Variants in NAALADL2 observed in about 807,000 individuals in gnomAD.
NAALADL2 encodes N-acetylated alpha-linked acidic dipeptidase like 2.
Under a neutral mutation model 87.2 loss-of-function variants are expected in NAALADL2, and 76 were observed. The ratio of observed to expected loss-of-function variants is 0.87; its 90% CI spans 0.72 to 1.05. The LOEUF (loss-of-function observed/expected upper bound fraction) is 1.05. Among genes scored for constraint, NAALADL2 ranks in the 50% least tolerant of loss-of-function variants. The pLI is 0.00. For missense variants in NAALADL2, 1,089 were observed against 945.8 expected, an observed-to-expected ratio of 1.15 and a Z score of -1.99; for synonymous variants, 354 against 331.0, an observed-to-expected ratio of 1.07 and a Z score of -0.75.
intron 1 of NAALADL2, among the ~76,000 whole-genome samples, chr3:174,481,420 C>G (rs1445900124): frequency 6.6e-6 from 1 of 152,028 alleles, no homozygotes; most frequent in Non-Finnish European, 1.5e-5. Flanking sequence ...GAAATCACTT[C>G]TGACTGATTT....
chr3:175,733,283 C>T (rs1477031516), intron 11 of NAALADL2, among the ~76,000 whole-genome samples: 1 of 152,168 alleles, frequency 6.6e-6, no homozygotes, highest in Non-Finnish European at 1.5e-5. Context: ...GGAGAACTCA[C>T]AGTTCCATGT....
chr3:174,460,721 A>T (rs1189067281), intron 1 of NAALADL2, among the ~76,000 whole-genome samples: 1 of 152,026 alleles, frequency 6.6e-6, no homozygotes, highest in Admixed American at 6.6e-5. Context: ...ATACTACATC[A>T]TCTGGCTGGG....
At chr3:175,302,008 TAA>T (rs1757140494) in intron 4 of NAALADL2, among the ~76,000 whole-genome samples, 1 of 152,198 alleles carries the variant, frequency 6.6e-6, no homozygotes, top group East Asian at 1.9e-4. Flanking sequence ...TTTAAGAAGA[TAA>T]AGCGTAGAAT....
At chr3:175,250,299 T>G (rs1475460913) in intron 3 of NAALADL2, among the ~76,000 whole-genome samples, 1 of 150,460 alleles carries the variant, frequency 6.6e-6, no homozygotes, top group East Asian at 2.0e-4. Context: ...GGTGTGTTTG[T>G]CATGTGGGGA....
chr3:175,090,713 T>C (rs545021988), intron 1 of NAALADL2, among the ~76,000 whole-genome samples: 2 of 152,274 alleles, frequency 1.3e-5, no homozygotes, highest in East Asian at 1.9e-4. Flanking sequence ...GCTATCCAAC[T>C]TGATTATCCA....
intron 2 of NAALADL2, among the ~76,000 whole-genome samples, chr3:174,662,711 A>G (rs1157076505): frequency 6.7e-6 from 1 of 150,228 alleles, no homozygotes. Flanking sequence ...TTCATAGAAA[A>G]TGTAGCTTGG....
intron 2 of NAALADL2, among the ~76,000 whole-genome samples, chr3:174,711,492 A>T (rs577671008): frequency 2.0e-5 from 3 of 152,314 alleles, no homozygotes; most frequent in African/African-American, 7.2e-5. Context: ...TATTTCCAGG[A>T]AAGTACAAGG....
intron 1 of NAALADL2, among the ~76,000 whole-genome samples, chr3:175,071,497 T>C (rs1193157649): frequency 6.6e-6 from 1 of 152,082 alleles, no homozygotes; most frequent in Non-Finnish European, 1.5e-5. Flanking sequence ...TATTCACACA[T>C]ATTACCCTTA....
Position 174,519,326 on chromosome 3 carries a change from C to T in NAALADL2, c.-183-31243C>T, listed in dbSNP as rs940246650. Among the ~76,000 whole-genome samples the T allele has an allele frequency of 3.8e-3, 487 of 128,802 alleles. 7 individuals carry two copies. The highest frequency in any genetic ancestry group is 0.014 in the African/African-American group (473 of 34,094). 84.5% of individuals were successfully genotyped at this position (128,802 alleles called of 152,430 possible). A position where few individuals can be genotyped will look rare whatever the true frequency, so the allele number is the denominator to read the frequency against. On this transcript the variant is annotated intron_variant, in intron 1 of 3. Transcript: ENST00000434257. ...AAACAAGTGAATGAATGAAGATTTC[C>T]TTTTTTTTTTTTTTTTTTGAGACAG... is the stretch of plus-strand genomic sequence containing the variant.
chr3:174,696,677 G>T (rs1259779881), intron 2 of NAALADL2, among the ~76,000 whole-genome samples: 3 of 149,504 alleles, frequency 2.0e-5, no homozygotes, highest in Admixed American at 2.0e-4. Context: ...TACTGATCTA[G>T]GATTATTAAA....
intron 1 of NAALADL2, among the ~76,000 whole-genome samples, chr3:174,450,869 CAAA>C (rs761513802): frequency 1.6e-4 from 12 of 74,882 alleles, no homozygotes; most frequent in East Asian, 1.2e-3. Flanking sequence ...GACTCTGTCT[CAAA>C]AAAAAAAAAA....
intron 2 of NAALADL2, among the ~76,000 whole-genome samples, chr3:174,694,633 G>T (rs1227709040): frequency 6.6e-6 from 1 of 151,910 alleles, no homozygotes; most frequent in African/African-American, 2.4e-5. Flanking sequence ...GGTAACTTTT[G>T]TTTTGGGGAA....
At chr3:175,260,090 A>C (rs1750756984) in intron 4 of NAALADL2, among the ~76,000 whole-genome samples, 1 of 152,154 alleles carries the variant, frequency 6.6e-6, no homozygotes, top group African/African-American at 2.4e-5. Context: ...TATATGATGG[A>C]TTAAAACAAA....
At chr3:175,247,017 T>C (rs1263415888) in intron 3 of NAALADL2, among the ~76,000 whole-genome samples, 1 of 152,204 alleles carries the variant, frequency 6.6e-6, no homozygotes, top group Non-Finnish European at 1.5e-5. Flanking sequence ...AGTAATTACA[T>C]AAATAATTTT....
At chr3:175,746,426 G>A (rs77749075) in intron 12 of NAALADL2, among the ~76,000 whole-genome samples, 417 of 150,204 alleles carry the variant, frequency 2.8e-3, no homozygotes, top group African/African-American at 9.9e-3. Context: ...GTTAAGCACC[G>A]TACAGTTTGC....
At chr3:175,012,329 T>A (rs1376117581) in intron 1 of NAALADL2, among the ~76,000 whole-genome samples, 1 of 146,012 alleles carries the variant, frequency 6.8e-6, no homozygotes, top group Non-Finnish European at 1.5e-5. Flanking sequence ...CAGGCCTGGC[T>A]AATATTTTTT....
intron 2 of NAALADL2, among the ~76,000 whole-genome samples, chr3:174,583,980 T>C (rs137991954): frequency 1.3e-5 from 2 of 152,308 alleles, no homozygotes; most frequent in East Asian, 3.9e-4. Context: ...TCAGTTATTC[T>C]GTCACACCAT....
intron 3 of NAALADL2, among the ~76,000 whole-genome samples, chr3:174,778,006 C>A (rs1715429511): frequency 6.6e-6 from 1 of 152,058 alleles, no homozygotes; most frequent in African/African-American, 2.4e-5. Context: ...ATAGTACTAG[C>A]ATTCCAATGC....
At chr3:175,227,056 T>C (rs965888034) in intron 2 of NAALADL2, among the ~76,000 whole-genome samples, 4 of 152,216 alleles carry the variant, frequency 2.6e-5, no homozygotes, top group East Asian at 3.9e-4. Context: ...TATCTGCATA[T>C]GTTATTGTAA....
Sources: gnomAD v4.1 joint callset for allele counts (sites outside exome capture counted in the v4.1 genomes callset) on GRCh38, gnomAD v4.1.1 for gene constraint, MANE v1.5 for transcripts, NCBI Gene and HGNC (gene_info 2026-07-23, HGNC 2026-07-21) for gene names.